Variants in DDX10 observed in about 807,000 individuals in gnomAD.
The protein encoded by DDX10 is probable ATP-dependent RNA helicase DDX10.
Under a neutral mutation model 104.3 loss-of-function variants are expected in DDX10, and 74 were observed. The ratio of observed to expected loss-of-function variants is 0.71; its 90% confidence interval spans 0.59 to 0.86. The LOEUF (loss-of-function observed/expected upper bound fraction) is 0.86, where lower values mean the gene tolerates loss of function less well. DDX10 is among the 40% of genes least tolerant of loss of function. The pLI is 0.00. For synonymous variants in DDX10, 351 were observed against 353.4 expected (o/e 0.99, Z 0.08); for missense variants, 952 against 1,040.0 (o/e 0.92, Z 1.16).
intron 13 of DDX10, among the ~76,000 whole-genome samples, chr11:108,799,215 G>A (rs1052128313): frequency 1.3e-5 from 2 of 152,050 alleles, no homozygotes; most frequent in African/African-American, 2.4e-5. Flanking sequence ...TGTGAATTCC[G>A]AAGTCCTTAG....
intron 6 of DDX10, among the ~76,000 whole-genome samples, chr11:108,680,841 G>T (rs2094233903): frequency 6.6e-6 from 1 of 152,168 alleles, no homozygotes; most frequent in South Asian, 2.1e-4. Flanking sequence ...AGCCTGAGAC[G>T]AAGAGGCCAG....
chr11:108,707,262 A>G (rs562946460), intron 10 of DDX10, among the ~76,000 whole-genome samples: 148 of 152,218 alleles, frequency 9.7e-4, no homozygotes, highest in African/African-American at 3.4e-3. Flanking sequence ...TGCTCTGCCT[A>G]TTTATTCCCC....
At chr11:108,797,754 G>C (rs990777425) in intron 13 of DDX10, among the ~76,000 whole-genome samples, 2 of 152,212 alleles carry the variant, frequency 1.3e-5, no homozygotes, top group Non-Finnish European at 2.9e-5. Context: ...GTTATTTGCT[G>C]ACCTTTTCAA....
chr11:108,731,316 G>A (rs1489853384), intron 13 of DDX10, among the ~76,000 whole-genome samples: 1 of 151,924 alleles, frequency 6.6e-6, no homozygotes, highest in Non-Finnish European at 1.5e-5. Flanking sequence ...CTCTCAAAGT[G>A]CTAGGATTAC....
intron 13 of DDX10, among the ~76,000 whole-genome samples, chr11:108,807,074 G>A (rs1037437200): frequency 3.3e-5 from 5 of 152,190 alleles, no homozygotes; most frequent in Non-Finnish European, 5.9e-5. Flanking sequence ...CAATAGCTTG[G>A]ACTGGGGTGC....
At chr11:108,926,381 T>C (rs1863908996) in intron 17 of DDX10, among the ~76,000 whole-genome samples, 1 of 152,148 alleles carries the variant, frequency 6.6e-6, no homozygotes, top group South Asian at 2.1e-4. Context: ...GTTGTAGATA[T>C]TTTACAGATG....
chr11:108,778,348 A>G (rs1352561240), intron 13 of DDX10, among the ~76,000 whole-genome samples: 4 of 152,190 alleles, frequency 2.6e-5, no homozygotes, highest in African/African-American at 9.6e-5. Context: ...AAACAGAGAT[A>G]TAGACCAATG....
intron 16 of DDX10, among the ~76,000 whole-genome samples, chr11:108,853,858 G>A (rs1862828810): frequency 6.6e-6 from 1 of 152,154 alleles, no homozygotes; most frequent in Non-Finnish European, 1.5e-5. Context: ...TCATTTCTAT[G>A]TAACCACTAA....
chr11:108,903,940 G>T lies in DDX10; in HGVS notation c.2305-13933G>T, dbSNP rs529864157. Among the ~76,000 whole-genome samples the T allele has an allele frequency of 2.6e-5, 4 of 152,220 alleles. No individual in the cohort carries two copies. The East Asian group carries it at 7.7e-4, about 29-fold the overall frequency. On this transcript the variant is annotated intron_variant, in intron 16 of 17. Coordinates refer to ENST00000322536, the MANE Select transcript of DDX10 (RefSeq NM_004398.4). Reference sequence around the variant, plus strand: ...TAAGTTCTCTTGGGTATATACCTAGGATTGTAGTTGCTGTGTTGCATGATA... The same window carrying T: ...TAAGTTCTCTTGGGTATATACCTAGTATTGTAGTTGCTGTGTTGCATGATA...
intron 13 of DDX10, among the ~76,000 whole-genome samples, chr11:108,803,429 A>C (rs1257174620): frequency 6.6e-6 from 1 of 152,052 alleles, no homozygotes; most frequent in Non-Finnish European, 1.5e-5. Flanking sequence ...CCCCATCTCT[A>C]CTAAAAATAA....
chr11:108,758,360 A>G (rs2094346965), intron 13 of DDX10, among the ~76,000 whole-genome samples: 1 of 152,100 alleles, frequency 6.6e-6, no homozygotes, highest in Admixed American at 6.6e-5. Flanking sequence ...ACTTAGCAGT[A>G]AAACTTCTGG....
intron 13 of DDX10, among the ~76,000 whole-genome samples, chr11:108,835,798 C>A (rs907090253): frequency 6.6e-5 from 10 of 150,514 alleles, no homozygotes; most frequent in African/African-American, 2.5e-4. Context: ...CCTGCTTGGC[C>A]AATCCAGGGT....
chr11:108,927,252 A>G (rs1047550528), intron 17 of DDX10, among the ~76,000 whole-genome samples: 4 of 152,204 alleles, frequency 2.6e-5, no homozygotes, highest in Non-Finnish European at 5.9e-5. Flanking sequence ...CTTTTGTGAA[A>G]TTTCTGAATA....
At chr11:108,822,995 CT>C (rs1862347051) in intron 13 of DDX10, among the ~76,000 whole-genome samples, 1 of 152,206 alleles carries the variant, frequency 6.6e-6, no homozygotes, top group South Asian at 2.1e-4. Context: ...CCAGCCCTGA[CT>C]TTGCTGATAC....
At chr11:108,734,969 G>C (rs1333415848) in intron 13 of DDX10, among the ~76,000 whole-genome samples, 1 of 152,220 alleles carries the variant, frequency 6.6e-6, no homozygotes, top group Non-Finnish European at 1.5e-5. Flanking sequence ...TCTAAGCAGT[G>C]TGTGTATCTG....
intron 16 of DDX10, among the ~76,000 whole-genome samples, chr11:108,894,621 T>G (rs1863416729): frequency 6.6e-6 from 1 of 152,042 alleles, no homozygotes; most frequent in Non-Finnish European, 1.5e-5. Flanking sequence ...ATTCTTCTGT[T>G]GCCGAAGTGT....
At chr11:108,834,387 A>G (rs906767867) in intron 13 of DDX10, among the ~76,000 whole-genome samples, 2 of 151,980 alleles carry the variant, frequency 1.3e-5, no homozygotes, top group African/African-American at 4.8e-5. Flanking sequence ...GGCATTAACT[A>G]CAGTTCAATA....
At chr11:108,868,966 C>CTTTTTT (rs36048300) in intron 16 of DDX10, among the ~76,000 whole-genome samples, 1 of 137,126 alleles carries the variant, frequency 7.3e-6, no homozygotes, top group Non-Finnish European at 1.5e-5. Flanking sequence ...AAGAATTAAG[C>CTTTTTT]TTTTTTTTTT....
intron 5 of DDX10, among the ~76,000 whole-genome samples, chr11:108,679,058 A>C (rs1328496329): frequency 1.3e-5 from 2 of 151,522 alleles, no homozygotes; most frequent in Non-Finnish European, 2.9e-5. Context: ...GGGGTTTCAC[A>C]ATGTTGGCCA....
Sources: allele counts gnomAD v4.1 joint callset (sites outside exome capture counted in the v4.1 genomes callset), GRCh38; gene constraint gnomAD v4.1.1; transcripts MANE v1.5; gene names NCBI Gene and HGNC (gene_info 2026-07-23, HGNC 2026-07-21).